TMEM39B: variants seen among roughly 807,000 people sequenced by gnomAD.
TMEM39B encodes the protein transmembrane protein 39B.
In TMEM39B, 23 loss-of-function variants were observed where a neutral mutation model predicts 52.2. The ratio of observed to expected loss-of-function variants is 0.44; its 90% CI spans 0.32 to 0.62. The LOEUF is 0.62. Among genes scored for constraint, TMEM39B ranks in the 20% least tolerant of loss-of-function variants. The pLI is 0.06. For synonymous variants in TMEM39B, 285 were observed against 264.0 expected (o/e 1.08, Z -0.77); for missense variants, 547 against 642.0 (o/e 0.85, Z 1.60).
intron 5 of TMEM39B, among the ~76,000 whole-genome samples, chr1:32,083,399 T>C (rs1284180881): frequency 6.9e-6 from 1 of 144,710 alleles, no homozygotes; most frequent in Admixed American, 6.9e-5. Flanking sequence ...AACATTTTTT[T>C]AAAGGACTTC....
intron 7 of TMEM39B, among the ~76,000 whole-genome samples, chr1:32,095,389 T>C (rs1557439549): frequency 6.6e-6 from 1 of 152,182 alleles, no homozygotes; most frequent in Non-Finnish European, 1.5e-5. Flanking sequence ...GCTTGGACTT[T>C]GACTTAGGCC....
chr1:32,084,481 C>T (rs749900109), intron 5 of TMEM39B, among the ~76,000 whole-genome samples: 11 of 152,112 alleles, frequency 7.2e-5, no homozygotes, highest in Admixed American at 3.9e-4. Flanking sequence ...ACAATGGGTA[C>T]GTTGGAGATG....
At chr1:32,101,023 T>C (rs1205522561) in intron 8 of TMEM39B, among the ~76,000 whole-genome samples, 1 of 152,142 alleles carries the variant, frequency 6.6e-6, no homozygotes, top group African/African-American at 2.4e-5. Context: ...AGAGCAAGAC[T>C]CATTCTCAAA....
chr1:32,085,964 T>C (rs1262108287), intron 5 of TMEM39B, among the ~76,000 whole-genome samples: 1 of 152,022 alleles, frequency 6.6e-6, no homozygotes, highest in Non-Finnish European at 1.5e-5. Context: ...TTTAAGTACA[T>C]GGGCAGGGCA....
intron 6 of TMEM39B, among the ~76,000 whole-genome samples, 159 bp from the exon 7 acceptor site, chr1:32,094,625 G>T (rs1394723126): frequency 6.6e-6 from 1 of 152,166 alleles, no homozygotes; most frequent in Admixed American, 6.5e-5. Flanking sequence ...TGGGCACAGG[G>T]CCTAAGCCTT....
Position 32,094,955 on chromosome 1 carries a change from A to G in TMEM39B, c.1099A>G (p.Asn367Asp). Residue 367 changes from asparagine to aspartate, a missense_variant, in exon 7 of 9, where the codon AAC becomes GAC. Physicochemically the swap from Asn to Asp is conservative, Grantham distance 23 (BLOSUM62 1). Transcript: ENST00000336294. ...GAAGGTGGACCCAGCGCTGTGCTCC[A>G]ACGTGCTGCAGCACCCGTGAGTCAC... ...WQKVDPALCS[N>D]VLQHPWTEEC... is the part of the protein sequence containing the mutation. The G allele has an allele frequency of 6.2e-7, 1 of 1,613,486 alleles. No homozygotes were observed. The highest frequency in any genetic ancestry group is 8.5e-7 in the Non-Finnish European group (1 of 1,180,024).
chr1:32,076,674 A>G, intron 3 of TMEM39B, 89 bp from the exon 4 acceptor site: 1 of 1,323,472 alleles, frequency 7.6e-7, no homozygotes, highest in Non-Finnish European at 1.1e-6. Flanking sequence ...GTCTCTGTGG[A>G]AAGAAATGGG....
chr1:32,093,930 T>C (rs1394510912), intron 6 of TMEM39B, among the ~76,000 whole-genome samples: 1 of 151,790 alleles, frequency 6.6e-6, no homozygotes, highest in African/African-American at 2.4e-5. Context: ...GCCATTCTTC[T>C]GCGTCAGCCT....
intron 5 of TMEM39B, among the ~76,000 whole-genome samples, chr1:32,080,923 G>A (rs1377810278): frequency 6.6e-6 from 1 of 151,970 alleles, no homozygotes; most frequent in Non-Finnish European, 1.5e-5. Context: ...TCAGTGACTT[G>A]GGAGGCTGAG....
At chr1:32,074,817 G>C in intron 1 of TMEM39B, 134 bp from the exon 2 acceptor site, 5 of 1,144,482 alleles carry the variant, frequency 4.4e-6, no homozygotes, top group Non-Finnish European at 6.0e-6. Flanking sequence ...GATGTAAGAA[G>C]GGGCCAGATC....
chr1:32,075,856 G>GTGTGTGTGCGTGTGTGTGTA (rs1639833843), intron 3 of TMEM39B, 34 bp downstream of exon 3: 1 of 1,303,824 alleles, frequency 7.7e-7, no homozygotes, highest in Admixed American at 2.2e-5. Flanking sequence ...GTGTGTGTGT[G>GTGTGTGTGCGTGTGTGTGTA]TGTGTGTGCG....
chr1:32,088,412 G>A (rs907166887), intron 5 of TMEM39B, among the ~76,000 whole-genome samples: 1 of 151,744 alleles, frequency 6.6e-6, no homozygotes, highest in Non-Finnish European at 1.5e-5. Context: ...GCCAGACTCC[G>A]TCTCAAAAAA....
Position 32,073,036 on chromosome 1 carries a change from C to CG in TMEM39B, c.-6dup. On this transcript the variant is annotated 5_prime_UTR_variant, in exon 1 of 9. Coordinates refer to ENST00000336294, the MANE Select transcript of TMEM39B (RefSeq NM_018056.4). ...GCTGCGGCGGCGAAGCGGAGAGCACCGGGGGGAGGAGATGGGTGAGCAGAG... is the reference window on the plus strand; with the variant it reads ...GCTGCGGCGGCGAAGCGGAGAGCACCGGGGGGGAGGAGATGGGTGAGCAGAG... 2 of 1,524,540 alleles carry CG rather than the reference C, an allele frequency of 1.3e-6. No individual in the cohort carries two copies. Among genetic ancestry groups the CG allele is most frequent in the Admixed American group, 2.1e-5 (1 of 47,636 alleles). The allele number at this position is 1,524,540 out of a possible 1,614,324, so 94.4% of individuals were successfully genotyped here. A position where few individuals can be genotyped will look rare whatever the true frequency, so the allele number is the denominator to read the frequency against.
intron 5 of TMEM39B, among the ~76,000 whole-genome samples, chr1:32,079,047 T>TA (rs1639981896): frequency 6.6e-6 from 1 of 151,858 alleles, no homozygotes; most frequent in Admixed American, 6.6e-5. Flanking sequence ...TGCCAATACA[T>TA]ACGGGTCTGT....
At position 32,093,973 on chromosome 1, in the gene TMEM39B, C is replaced by T. The variant is rs544621312; in HGVS notation, c.928-811C>T. ...AGCTGGGACTACAGGCGCCCGCCAC[C>T]ACGCCCGGCTAATTTTTTGTATTTT... On this transcript the variant is annotated intron_variant, in intron 6 of 8. Coordinates refer to ENST00000336294, the MANE Select transcript of TMEM39B (RefSeq NM_018056.4). 2.5e-4 allele frequency among the ~76,000 whole-genome samples: 38 copies of T among 151,448 alleles called. No individual in the cohort carries two copies. In the South Asian group the frequency reaches 7.1e-3, roughly 28 times the overall value.
At chr1:32,080,570 G>T (rs1640052086) in intron 5 of TMEM39B, among the ~76,000 whole-genome samples, 1 of 151,672 alleles carries the variant, frequency 6.6e-6, no homozygotes, top group South Asian at 2.1e-4. Flanking sequence ...GGGAGGCTGA[G>T]GCAGGAGAAT....
At chr1:32,086,777 AAAG>A (rs1012710750) in intron 5 of TMEM39B, among the ~76,000 whole-genome samples, 4 of 151,976 alleles carry the variant, frequency 2.6e-5, no homozygotes, top group African/African-American at 7.3e-5. Context: ...AAAAAAAAAA[AAAG>A]AGAGAGAAAC....
intron 6 of TMEM39B, 57 bp from the exon 7 acceptor site, chr1:32,094,727 A>C (rs746883481): frequency 6.3e-6 from 10 of 1,589,544 alleles, no homozygotes; most frequent in Non-Finnish European, 8.6e-6. Flanking sequence ...CAGGGAAGGA[A>C]AGGGAATGAG....
At position 32,075,749 on chromosome 1, in the gene TMEM39B, T is replaced by C; in HGVS notation, c.278T>C (p.Phe93Ser). 1 of 1,551,458 alleles carries C rather than the reference T, an allele frequency of 6.4e-7. No individual in the cohort carries two copies. Among genetic ancestry groups the C allele is most frequent in the Non-Finnish European group, 8.7e-7 (1 of 1,146,860 alleles). ...QLFFCQLIALFVHYINIYKTV... is the reference protein window; with the variant it reads ...QLFFCQLIALSVHYINIYKTV... ...TTCTTCTGCCAGCTCATAGCACTCT[T>C]CGTCCACTACATCAACATCTACAAG... The change falls in exon 3 of 9, where the codon TTC becomes TCC. Residue 93 changes from phenylalanine (F) to serine (S), a missense_variant. Phe to Ser is a radical substitution (Grantham distance 155). Transcript: ENST00000336294.
Sources: gnomAD v4.1 joint callset for allele counts (sites outside exome capture counted in the v4.1 genomes callset) on GRCh38, gnomAD v4.1.1 for gene constraint, MANE v1.5 for transcripts, NCBI Gene and HGNC (gene_info 2026-07-23, HGNC 2026-07-21) for gene names.